Variants in RBFOX1 observed in about 807,000 individuals in gnomAD.
RBFOX1 encodes the protein RNA binding fox-1 homolog 1, also known as RNA binding protein fox-1 homolog 1.
A neutral mutation model predicts 57.7 loss-of-function variants in RBFOX1; 8 were observed. That is an observed-to-expected ratio of 0.14 (90% CI 0.08 to 0.25). RBFOX1 has a LOEUF of 0.25. Ranked by LOEUF, RBFOX1 falls within the 10% of genes least tolerant of loss-of-function variation. RBFOX1 has a pLI of 1.00. For missense variants in RBFOX1, 611 were observed against 548.5 expected (o/e 1.11, Z -1.14); for synonymous variants, 326 against 222.4 (o/e 1.47, Z -4.15).
chr16:7,239,646 G>T (rs2093954567), intron 4 of RBFOX1, among the ~76,000 whole-genome samples: 1 of 152,116 alleles, frequency 6.6e-6, no homozygotes, highest in Non-Finnish European at 1.5e-5. Flanking sequence ...CCCCTGATAA[G>T]ACCGTGAGAA....
chr16:7,607,255 A>T (rs776534301), intron 9 of RBFOX1, 30 bp from the exon 10 acceptor site: 1 of 1,592,076 alleles, frequency 6.3e-7, no homozygotes, highest in South Asian at 1.1e-5. Context: ...ATCAAATGTG[A>T]TAATAATGTT....
intron 1 of RBFOX1, among the ~76,000 whole-genome samples, chr16:6,027,057 A>G (rs2152377063): frequency 6.6e-6 from 1 of 152,322 alleles, no homozygotes; most frequent in Middle Eastern, 3.4e-3. Flanking sequence ...CTAGTTCTGC[A>G]TTTCCCCAAG....
intron 3 of RBFOX1, among the ~76,000 whole-genome samples, chr16:5,820,194 C>G (rs1052721248): frequency 3.3e-5 from 5 of 152,220 alleles, no homozygotes; most frequent in Admixed American, 1.3e-4. Context: ...GATTAAAACA[C>G]TTGCCCCTGG....
chr16:7,418,022 C>A (rs1347151376), intron 4 of RBFOX1, among the ~76,000 whole-genome samples: 1 of 152,084 alleles, frequency 6.6e-6, no homozygotes, highest in Non-Finnish European at 1.5e-5. Context: ...GTGTGGAGGT[C>A]CTCTATAGAT....
intron 3 of RBFOX1, among the ~76,000 whole-genome samples, chr16:5,779,805 T>C (rs1000913175): frequency 1.3e-5 from 2 of 152,222 alleles, no homozygotes; most frequent in Non-Finnish European, 2.9e-5. Flanking sequence ...CTGTCTTGTC[T>C]AAGTTCAAAC....
At chr16:6,456,202 A>G (rs1245529556) in intron 2 of RBFOX1, among the ~76,000 whole-genome samples, 2 of 152,220 alleles carry the variant, frequency 1.3e-5, no homozygotes, top group African/African-American at 4.8e-5. Flanking sequence ...CCTTTCAGAT[A>G]GAAGAATTAT....
chr16:7,710,124 TACAACTCCACAA>T, intron 15 of RBFOX1: 1 of 1,020,108 alleles, frequency 9.8e-7, no homozygotes, highest in South Asian at 4.1e-5. Context: ...AATTCATCTG[TACAACTCCACAA>T]CTCCCTTCTC....
At chr16:5,861,186 A>C (rs1291658105) in intron 3 of RBFOX1, among the ~76,000 whole-genome samples, 1 of 152,154 alleles carries the variant, frequency 6.6e-6, no homozygotes, top group Non-Finnish European at 1.5e-5. Flanking sequence ...TCTTGTACAA[A>C]GTAGTGCTTC....
intron 3 of RBFOX1, among the ~76,000 whole-genome samples, chr16:5,744,586 T>G (rs1452364606): frequency 6.6e-6 from 1 of 152,156 alleles, no homozygotes; most frequent in Non-Finnish European, 1.5e-5. Flanking sequence ...TGGCACACAA[T>G]GTAAATCAGG....
chr16:6,503,402 A>G (rs147380892), intron 2 of RBFOX1, among the ~76,000 whole-genome samples: 14 of 152,218 alleles, frequency 9.2e-5, no homozygotes, highest in African/African-American at 2.6e-4. Context: ...AACAATTCCA[A>G]TATTTCGTGG....
At chr16:5,600,932 C>G (rs574951895), downstream of RBFOX1, among the ~76,000 whole-genome samples, 63 of 152,268 alleles carry the variant, frequency 4.1e-4, no homozygotes, top group African/African-American at 1.5e-3. Flanking sequence ...GCTTAGGAAA[C>G]CAAAACTCAA....
chr16:6,952,518 G>A (rs7404259), intron 3 of RBFOX1, among the ~76,000 whole-genome samples: 22,018 of 151,764 alleles, frequency 0.15, 1,949 homozygotes, highest in Non-Finnish European at 0.19. Context: ...CACACCTGTA[G>A]TCCCACCTAC....
chr16:6,883,695 A>C (rs569802046), intron 3 of RBFOX1, among the ~76,000 whole-genome samples: 33 of 152,324 alleles, frequency 2.2e-4, no homozygotes, highest in African/African-American at 7.5e-4. Flanking sequence ...CAGGCTGTTC[A>C]AATATGAGAT....
chr16:6,348,426 A>G (rs1405350761), intron 2 of RBFOX1, among the ~76,000 whole-genome samples: 1 of 152,208 alleles, frequency 6.6e-6, no homozygotes, highest in Non-Finnish European at 1.5e-5. Flanking sequence ...CCCTTACGTC[A>G]GGGGAAATCT....
intron 1 of RBFOX1, among the ~76,000 whole-genome samples, chr16:5,250,918 CT>C (rs2062434309): frequency 6.6e-6 from 1 of 152,194 alleles, no homozygotes; most frequent in Admixed American, 6.5e-5. Context: ...AGAGGGGGAT[CT>C]GTGCTCAATT....
intron 4 of RBFOX1, among the ~76,000 whole-genome samples, chr16:7,074,166 A>G (rs1380536220): frequency 6.6e-6 from 1 of 152,230 alleles, no homozygotes; most frequent in African/African-American, 2.4e-5. Flanking sequence ...GTCAGTAGAA[A>G]GGGACTACAA....
chr16:7,131,453 C>A (rs1433208430), intron 4 of RBFOX1, among the ~76,000 whole-genome samples: 1 of 142,328 alleles, frequency 7.0e-6, no homozygotes, highest in Non-Finnish European at 1.5e-5. Context: ...TCTCTTGCTT[C>A]TGCTCCGGTA....
chr16:7,149,832 A>C (rs978397725), intron 4 of RBFOX1, among the ~76,000 whole-genome samples: 1 of 151,928 alleles, frequency 6.6e-6, no homozygotes, highest in Non-Finnish European at 1.5e-5. Flanking sequence ...AGACTCCCCA[A>C]AGGCTCCCAG....
chr16:6,023,699 T>C (rs1224270358), intron 1 of RBFOX1, among the ~76,000 whole-genome samples: 3 of 152,196 alleles, frequency 2.0e-5, no homozygotes. Flanking sequence ...GCATGGGAGT[T>C]ACACAGTAAG....
Sources: allele counts gnomAD v4.1 joint callset (sites outside exome capture counted in the v4.1 genomes callset), GRCh38; gene constraint gnomAD v4.1.1; transcripts MANE v1.5; gene names NCBI Gene and HGNC (gene_info 2026-07-23, HGNC 2026-07-21).